The following WWP2 variants were observed in gnomAD, a reference collection of about 807,000 sequenced individuals.
WWP2 encodes the protein NEDD4-like E3 ubiquitin-protein ligase WWP2.
A neutral mutation model predicts 121.0 loss-of-function variants in WWP2; 57 were observed. That is an observed-to-expected ratio of 0.47 (90% CI 0.38 to 0.59). The LOEUF (loss-of-function observed/expected upper bound fraction) is 0.59. WWP2 is among the 20% of genes least tolerant of loss of function. The pLI is 0.00. For missense variants in WWP2, 962 were observed against 1,158.9 expected (o/e 0.83, Z 2.47); for synonymous variants, 449 against 441.3 (o/e 1.02, Z -0.22).
chr16:69,930,554 C>A (rs892436224), intron 13 of WWP2, among the ~76,000 whole-genome samples: 1 of 152,090 alleles, frequency 6.6e-6, no homozygotes, highest in African/African-American at 2.4e-5. Flanking sequence ...TAAAAATTAG[C>A]TGGATGTGGT....
At chr16:69,903,034 A>T (rs1419477128) in intron 8 of WWP2, among the ~76,000 whole-genome samples, 1 of 152,224 alleles carries the variant, frequency 6.6e-6, no homozygotes, top group African/African-American at 2.4e-5. Flanking sequence ...AATGATATCA[A>T]AAAAGGTGAT....
chr16:69,908,664 G>T lies in WWP2; in HGVS notation c.915-97G>T, dbSNP rs149577924. Reference sequence around the variant, plus strand: ...TCGCATGTCATCTTTGATGCTTCCTGTAAATTAGCCACATGAGTGATGAAG... The same window carrying T: ...TCGCATGTCATCTTTGATGCTTCCTTTAAATTAGCCACATGAGTGATGAAG... On this transcript the variant is annotated intron_variant, in intron 8 of 23. Coordinates refer to ENST00000359154, the MANE Select transcript of WWP2 (RefSeq NM_001270454.2). 579 of 1,559,394 alleles carry T rather than the reference G, an allele frequency of 3.7e-4. 1 individual carries two copies. In the Middle Eastern group the frequency reaches 0.012, roughly 32 times the overall value.
chr16:69,765,680 T>C (rs1176394122), intron 1 of WWP2, among the ~76,000 whole-genome samples: 1 of 152,144 alleles, frequency 6.6e-6, no homozygotes, highest in African/African-American at 2.4e-5. Flanking sequence ...AAAAATTAGC[T>C]GGGCTTGTTG....
chr16:69,802,182 C>G (rs903354106), intron 4 of WWP2, among the ~76,000 whole-genome samples: 2 of 152,078 alleles, frequency 1.3e-5, no homozygotes, highest in Non-Finnish European at 2.9e-5. Context: ...CCCGCCTCGG[C>G]CTCCCAAAGT....
chr16:69,876,699 G>C (rs113860978), intron 7 of WWP2, among the ~76,000 whole-genome samples: 2 of 152,262 alleles, frequency 1.3e-5, no homozygotes, highest in Admixed American at 1.3e-4. Flanking sequence ...GACTTGAAAG[G>C]CAAGATGACT....
intron 2 of WWP2, among the ~76,000 whole-genome samples, chr16:69,797,490 A>G (rs2056072049): frequency 6.6e-6 from 1 of 152,088 alleles, no homozygotes; most frequent in African/African-American, 2.4e-5. Flanking sequence ...TCCCTGCCTC[A>G]TGGGTTTGTT....
chr16:69,935,916 A>G lies in WWP2; in HGVS notation c.1906A>G (p.Asn636Asp), dbSNP rs2058790791. 1.2e-6 allele frequency: 2 copies of G among 1,613,926 alleles called. No individual in the cohort carries two copies. The highest frequency in any genetic ancestry group is 1.3e-5 in the African/African-American group (1 of 74,896). ...CCTCCCTTTCTACAAGCGGATGCTC[A>G]ATAAGAGACCAACCCTGAAAGACCT... Reference protein sequence around the residue: ...FTLPFYKRMLNKRPTLKDLES... With the variant: ...FTLPFYKRMLDKRPTLKDLES... The change falls in exon 18 of 24, where the codon AAT becomes GAT. Residue 636 changes from asparagine to aspartate, a missense_variant. Coordinates refer to ENST00000359154, the MANE Select transcript of WWP2 (RefSeq NM_001270454.2). The surrounding 1 kb of genome is among the most constrained non-coding windows in gnomAD (Gnocchi z 5.2).
At chr16:69,787,496 G>C (rs1385134357) in intron 2 of WWP2, among the ~76,000 whole-genome samples, 1 of 152,130 alleles carries the variant, frequency 6.6e-6, no homozygotes, top group African/African-American at 2.4e-5. Flanking sequence ...ACACTGAAGT[G>C]GGAGGATCGC....
chr16:69,894,242 A>AT (rs34251036), intron 8 of WWP2, among the ~76,000 whole-genome samples: 7,019 of 132,048 alleles, frequency 0.053, 434 homozygotes, highest in African/African-American at 0.16. Context: ...TACCCAGGCT[A>AT]TTTTTTTTTT....
intron 10 of WWP2, among the ~76,000 whole-genome samples, chr16:69,918,679 T>C (rs1210352664): frequency 2.6e-5 from 4 of 152,222 alleles, no homozygotes; most frequent in Non-Finnish European, 5.9e-5. Flanking sequence ...TAGAGCAGCC[T>C]CTAAATTGTT....
intron 9 of WWP2, chr16:69,910,378 G>C: frequency 1.0e-6 from 1 of 981,956 alleles, no homozygotes; most frequent in Non-Finnish European, 1.2e-6. Flanking sequence ...TTTATAACAT[G>C]TGCACTTTAA....
chr16:69,785,627 CTT>C (rs111997152), intron 1 of WWP2, among the ~76,000 whole-genome samples: 14 of 141,374 alleles, frequency 9.9e-5, no homozygotes, highest in African/African-American at 1.0e-4. Flanking sequence ...TGCTGCACAT[CTT>C]TTTTTTTTTT....
chr16:69,867,161 C>T (rs768051952), intron 6 of WWP2, among the ~76,000 whole-genome samples: 3 of 147,532 alleles, frequency 2.0e-5, no homozygotes, highest in Non-Finnish European at 4.5e-5. Flanking sequence ...TTTTTTTAAA[C>T]CAAACAAACA....
At chr16:69,877,556 C>G (rs1247862187) in intron 7 of WWP2, among the ~76,000 whole-genome samples, 1 of 152,168 alleles carries the variant, frequency 6.6e-6, no homozygotes, top group Non-Finnish European at 1.5e-5. Context: ...AAGAACTTCT[C>G]CTTTGCATTC....
intron 6 of WWP2, among the ~76,000 whole-genome samples, chr16:69,844,217 C>T (rs574568020): frequency 1.3e-5 from 2 of 152,094 alleles, no homozygotes; most frequent in African/African-American, 2.4e-5. Flanking sequence ...TTGGGTCTCA[C>T]GGGGTGATGA....
chr16:69,916,541 G>A (rs555798880), intron 9 of WWP2, among the ~76,000 whole-genome samples: 1 of 152,258 alleles, frequency 6.6e-6, no homozygotes, highest in South Asian at 2.1e-4. Flanking sequence ...TAGTCCAGGG[G>A]TGAGGTGATA....
intron 9 of WWP2, 181 bp downstream of exon 9, chr16:69,909,031 G>C: frequency 7.3e-7 from 1 of 1,377,368 alleles, no homozygotes; most frequent in Non-Finnish European, 9.4e-7. Context: ...GGACATATTA[G>C]AATTATTAGA....
At chr16:69,782,516 C>T (rs1319302079) in intron 1 of WWP2, among the ~76,000 whole-genome samples, 1 of 152,100 alleles carries the variant, frequency 6.6e-6, no homozygotes, top group Non-Finnish European at 1.5e-5. Context: ...GCCAATAGGT[C>T]AGTCATGTAA....
intron 4 of WWP2, among the ~76,000 whole-genome samples, chr16:69,804,757 T>A (rs78161421): frequency 0.058 from 8,865 of 152,204 alleles, 841 homozygotes; most frequent in African/African-American, 0.2. Context: ...TGGAGTCCTG[T>A]CATATGTAAA....
Sources: gnomAD v4.1 joint callset for allele counts (sites outside exome capture counted in the v4.1 genomes callset) on GRCh38, gnomAD v4.1.1 for gene constraint, Gnocchi (gnomAD v3.1) non-coding constraint, MANE v1.5 for transcripts, NCBI Gene and HGNC (gene_info 2026-07-23, HGNC 2026-07-21) for gene names.